The following FGGY variants were observed in gnomAD, a reference collection of about 807,000 sequenced individuals.
The protein encoded by FGGY is FGGY carbohydrate kinase domain-containing protein.
FGGY carries 72 observed loss-of-function variants against 71.3 expected under a neutral mutation model. The observed-to-expected ratio is 1.01, with a 90% CI of 0.84 to 1.23. The LOEUF (loss-of-function observed/expected upper bound fraction) is 1.23. Ranked by LOEUF, FGGY falls within the 50% of genes most tolerant of loss-of-function variation. The probability of loss-of-function intolerance (pLI) is 0.00; values close to 1 mark genes in which losing one functional copy is unlikely to be tolerated. For synonymous variants in FGGY, 251 were observed against 250.3 expected (o/e 1.00, Z -0.02); for missense variants, 668 against 682.3 (o/e 0.98, Z 0.23).
rs1234229221 is a variant in FGGY at position 59,373,709 on chromosome 1, A to C, written c.466-5040A>C. Reference sequence around the variant, plus strand: ...GCATGGTACTGGTACCAAAACAGAGATATAGATCAATGGAACAGAACAGAG... The same window carrying C: ...GCATGGTACTGGTACCAAAACAGAGCTATAGATCAATGGAACAGAACAGAG... On this transcript the variant is annotated intron_variant, in intron 4 of 15. Transcript: ENST00000303721. 3.3e-5 allele frequency among the ~76,000 whole-genome samples: 5 copies of C among 152,126 alleles called. No individual in the cohort carries two copies. The South Asian group carries it at 6.2e-4, about 19-fold the overall frequency.
At chr1:59,568,588 A>G (rs1261573619) in intron 8 of FGGY, among the ~76,000 whole-genome samples, 5 of 152,116 alleles carry the variant, frequency 3.3e-5, no homozygotes, top group African/African-American at 1.2e-4. Flanking sequence ...TGGAGACAAC[A>G]AACCTTGGGT....
At chr1:59,716,132 C>T (rs940999734) in intron 14 of FGGY, among the ~76,000 whole-genome samples, 2 of 152,184 alleles carry the variant, frequency 1.3e-5, no homozygotes, top group Non-Finnish European at 2.9e-5. Context: ...AAGCTGGTAA[C>T]AGGTAGGACT....
chr1:59,745,550 C>T (rs1265703817), intron 14 of FGGY, among the ~76,000 whole-genome samples: 1 of 152,194 alleles, frequency 6.6e-6, no homozygotes, highest in Non-Finnish European at 1.5e-5. Context: ...AGTGTTCAGA[C>T]CCTGCGGCCT....
At chr1:59,625,652 A>T (rs1176334626) in intron 9 of FGGY, among the ~76,000 whole-genome samples, 1 of 151,950 alleles carries the variant, frequency 6.6e-6, no homozygotes, top group African/African-American at 2.4e-5. Context: ...TGCTTTTAAC[A>T]CTCAGACCCC....
chr1:59,538,800 A>T (rs1044224041), intron 7 of FGGY, among the ~76,000 whole-genome samples: 1 of 140,426 alleles, frequency 7.1e-6, no homozygotes, highest in South Asian at 2.3e-4. Flanking sequence ...AACAATGAGA[A>T]CACATGGACA....
intron 9 of FGGY, among the ~76,000 whole-genome samples, chr1:59,613,397 A>G (rs1002701142): frequency 1.3e-5 from 2 of 152,212 alleles, no homozygotes; most frequent in African/African-American, 4.8e-5. Context: ...CTGAATGACT[A>G]CTGGGTACAT....
chr1:59,441,118 T>G (rs2069742806), intron 5 of FGGY, among the ~76,000 whole-genome samples: 1 of 152,162 alleles, frequency 6.6e-6, no homozygotes, highest in Non-Finnish European at 1.5e-5. Flanking sequence ...CTTACAATAC[T>G]TTTTGCATTT....
chr1:59,651,451 A>G (rs1460805256), intron 11 of FGGY, among the ~76,000 whole-genome samples: 3 of 148,102 alleles, frequency 2.0e-5, no homozygotes, highest in Admixed American at 2.0e-4. Context: ...TTGGGTGCAT[A>G]TATATTTAGG....
intron 14 of FGGY, among the ~76,000 whole-genome samples, chr1:59,740,421 C>A (rs1194567525): frequency 6.6e-6 from 1 of 152,216 alleles, no homozygotes; most frequent in African/African-American, 2.4e-5. Context: ...TCCCAGCTTT[C>A]TTAGATCCGG....
At chr1:59,643,146 G>A (rs946168858) in intron 11 of FGGY, among the ~76,000 whole-genome samples, 1 of 151,856 alleles carries the variant, frequency 6.6e-6, no homozygotes, top group Admixed American at 6.6e-5. Context: ...AAAAGAAAAT[G>A]TTAGAGAACT....
intron 5 of FGGY, among the ~76,000 whole-genome samples, chr1:59,417,468 T>C (rs1470495983): frequency 1.3e-5 from 2 of 152,082 alleles, no homozygotes; most frequent in Non-Finnish European, 2.9e-5. Flanking sequence ...TTAGAAGGAG[T>C]GGAATTGTTG....
chr1:59,482,528 A>G (rs597728), intron 6 of FGGY, among the ~76,000 whole-genome samples: 76,343 of 151,022 alleles, frequency 0.51, 19,802 homozygotes, highest in African/African-American at 0.62. Flanking sequence ...TATTTCCCAC[A>G]GAGAATTACA....
At chr1:59,335,629 C>T (rs1315874312) in intron 2 of FGGY, among the ~76,000 whole-genome samples, 3 of 152,004 alleles carry the variant, frequency 2.0e-5, no homozygotes, top group Non-Finnish European at 4.4e-5. Context: ...TTTACATTTC[C>T]ATCAGCAATG....
At chr1:59,509,703 G>C (rs537146544) in intron 6 of FGGY, among the ~76,000 whole-genome samples, 2 of 152,282 alleles carry the variant, frequency 1.3e-5, no homozygotes, top group Admixed American at 1.3e-4. Context: ...CCTATAATTA[G>C]ACCCAGATCT....
At chr1:59,313,798 C>G (rs2044840720) in intron 1 of FGGY, among the ~76,000 whole-genome samples, 1 of 152,136 alleles carries the variant, frequency 6.6e-6, no homozygotes, top group African/African-American at 2.4e-5. Context: ...ACATTGGGGA[C>G]TCAGTGGGAA....
intron 5 of FGGY, among the ~76,000 whole-genome samples, chr1:59,388,343 C>T (rs1278813767): frequency 6.6e-6 from 1 of 152,114 alleles, no homozygotes; most frequent in African/African-American, 2.4e-5. Flanking sequence ...TAAAATGTGG[C>T]TTAATCTATT....
At chr1:59,340,235 A>G (rs539987730) in intron 3 of FGGY, among the ~76,000 whole-genome samples, 166 bp downstream of exon 3, 10 of 152,316 alleles carry the variant, frequency 6.6e-5, no homozygotes, top group Admixed American at 2.6e-4. Context: ...CTTGGAGAGC[A>G]GTTGGTATGA....
intron 8 of FGGY, among the ~76,000 whole-genome samples, chr1:59,562,053 A>G (rs2095800640): frequency 6.6e-6 from 1 of 152,226 alleles, no homozygotes; most frequent in Non-Finnish European, 1.5e-5. Flanking sequence ...CACTGGTGGG[A>G]ATGTAAAATG....
At chr1:59,514,917 T>C (rs1409820441) in intron 7 of FGGY, among the ~76,000 whole-genome samples, 2 of 152,238 alleles carry the variant, frequency 1.3e-5, no homozygotes, top group East Asian at 3.9e-4. Context: ...TTGGTACCAG[T>C]AGAGTGGGGC....
Sources: gnomAD v4.1 joint callset for allele counts (sites outside exome capture counted in the v4.1 genomes callset) on GRCh38, gnomAD v4.1.1 for gene constraint, MANE v1.5 for transcripts, NCBI Gene and HGNC (gene_info 2026-07-23, HGNC 2026-07-21) for gene names.